Variants in ACOXL observed in about 807,000 individuals in gnomAD.
The protein encoded by ACOXL is acyl-coenzyme A oxidase-like protein.
ACOXL carries 70 observed loss-of-function variants against 71.9 expected under a neutral mutation model. The observed-to-expected ratio is 0.97, with a 90% CI of 0.80 to 1.19. The LOEUF (loss-of-function observed/expected upper bound fraction) is 1.19, where lower values mean the gene tolerates loss of function less well. Among genes scored for constraint, ACOXL ranks in the 50% most tolerant of loss-of-function variants. The pLI, the probability that ACOXL is intolerant of heterozygous loss-of-function variation, is 0.00. For missense variants in ACOXL, 703 were observed against 736.3 expected, an observed-to-expected ratio of 0.95 and a Z score of 0.52; for synonymous variants, 253 against 281.6, an observed-to-expected ratio of 0.90 and a Z score of 1.02.
intron 13 of ACOXL, among the ~76,000 whole-genome samples, 186 bp from the exon 14 acceptor site, chr2:110,995,707 G>C (rs539565709): frequency 6.2e-4 from 94 of 151,852 alleles, no homozygotes; most frequent in African/African-American, 2.1e-3. Flanking sequence ...GAATAAACTA[G>C]AGCTAAGATT....
chr2:110,969,207 A>G (rs568966917), intron 12 of ACOXL, among the ~76,000 whole-genome samples: 11 of 152,346 alleles, frequency 7.2e-5, no homozygotes, highest in African/African-American at 2.6e-4. Flanking sequence ...CTAAATGCTT[A>G]TTTAAGAAAA....
intron 1 of ACOXL, among the ~76,000 whole-genome samples, chr2:110,735,931 C>T (rs571054683): frequency 4.3e-4 from 66 of 152,226 alleles, no homozygotes; most frequent in African/African-American, 1.5e-3. Context: ...ACCTCTCACC[C>T]GGAGAACTGA....
At chr2:110,793,160 G>A (rs976668754) in intron 3 of ACOXL, among the ~76,000 whole-genome samples, 1 of 152,152 alleles carries the variant, frequency 6.6e-6, no homozygotes, top group African/African-American at 2.4e-5. Flanking sequence ...GCTGAAGTGG[G>A]ATTGAAACCC....
At chr2:110,858,330 A>G (rs1369573681) in intron 10 of ACOXL, among the ~76,000 whole-genome samples, 1 of 152,144 alleles carries the variant, frequency 6.6e-6, no homozygotes, top group Non-Finnish European at 1.5e-5. Context: ...CGGGTGGGGA[A>G]CAGGGGATCC....
intron 8 of ACOXL, 51 bp downstream of exon 8, chr2:110,801,775 T>G (rs562282875): frequency 6.5e-7 from 1 of 1,528,228 alleles, no homozygotes; most frequent in East Asian, 2.3e-5. Flanking sequence ...ATCTCACTGC[T>G]CTCCAAAGTT....
intron 7 of ACOXL, among the ~76,000 whole-genome samples, chr2:110,800,792 G>A (rs982703454): frequency 6.6e-5 from 10 of 152,088 alleles, no homozygotes; most frequent in South Asian, 2.1e-4. Flanking sequence ...TGTATCTCCC[G>A]GGGGTGACCG....
At chr2:110,839,264 ATTATC>A (rs1448418025) in intron 9 of ACOXL, among the ~76,000 whole-genome samples, 4 of 152,204 alleles carry the variant, frequency 2.6e-5, no homozygotes, top group African/African-American at 9.7e-5. Context: ...AGTCAGTAAA[ATTATC>A]TTATAATTAG....
At chr2:110,986,811 A>G (rs2062955065) in intron 12 of ACOXL, among the ~76,000 whole-genome samples, 1 of 152,202 alleles carries the variant, frequency 6.6e-6, no homozygotes, top group Non-Finnish European at 1.5e-5. Context: ...AGGTTTTACT[A>G]AAGTGTCAGC....
At chr2:110,792,986 C>A (rs185382625) in intron 3 of ACOXL, among the ~76,000 whole-genome samples, 1 of 152,268 alleles carries the variant, frequency 6.6e-6, no homozygotes, top group African/African-American at 2.4e-5. Context: ...CCCAATTTCC[C>A]ATGTTAAATG....
intron 10 of ACOXL, among the ~76,000 whole-genome samples, chr2:110,859,620 G>C (rs1212641385): frequency 6.6e-6 from 1 of 152,172 alleles, no homozygotes; most frequent in African/African-American, 2.4e-5. Flanking sequence ...CATGGAGAGG[G>C]GCTTTGCCAG....
At chr2:110,941,124 C>T (rs2060853294) in intron 12 of ACOXL, among the ~76,000 whole-genome samples, 1 of 152,192 alleles carries the variant, frequency 6.6e-6, no homozygotes, top group Admixed American at 6.5e-5. Context: ...GCAAGCACCT[C>T]ATAGCCTCAA....
intron 12 of ACOXL, chr2:110,968,761 A>G (rs1039058746): frequency 1.6e-5 from 8 of 486,072 alleles, no homozygotes; most frequent in Admixed American, 3.9e-5. Context: ...AGATAAAGAC[A>G]ATAAACTTAT....
chr2:111,070,462 C>T (rs962519114), intron 16 of ACOXL, among the ~76,000 whole-genome samples: 1 of 152,078 alleles, frequency 6.6e-6, no homozygotes, highest in Non-Finnish European at 1.5e-5. Context: ...CACATGGACA[C>T]ATAGAGAGGA....
At chr2:110,907,974 G>A (rs2059518164) in intron 10 of ACOXL, among the ~76,000 whole-genome samples, 1 of 152,226 alleles carries the variant, frequency 6.6e-6, no homozygotes, top group Non-Finnish European at 1.5e-5. Context: ...GTGTGTGTGA[G>A]TGAAATGTTG....
At chr2:110,867,133 A>G (rs1281313095) in intron 10 of ACOXL, among the ~76,000 whole-genome samples, 1 of 152,054 alleles carries the variant, frequency 6.6e-6, no homozygotes, top group Non-Finnish European at 1.5e-5. Context: ...GGGTGCTGGG[A>G]AGTTAGGTGC....
intron 2 of ACOXL, among the ~76,000 whole-genome samples, chr2:110,776,125 G>C (rs80270380): frequency 6.6e-6 from 1 of 152,146 alleles, no homozygotes; most frequent in African/African-American, 2.4e-5. Flanking sequence ...GCTATAACAC[G>C]TATGAACCTG....
chr2:111,013,794 A>G (rs928256431), intron 14 of ACOXL, among the ~76,000 whole-genome samples: 1 of 152,194 alleles, frequency 6.6e-6, no homozygotes, highest in Non-Finnish European at 1.5e-5. Flanking sequence ...AAACCAGTGT[A>G]AGACTGATAC....
intron 1 of ACOXL, 27 bp from the exon 2 acceptor site, chr2:110,768,341 G>C (rs1681385514): frequency 7.5e-6 from 12 of 1,595,732 alleles, no homozygotes; most frequent in Non-Finnish European, 1.0e-5. Context: ...ATTATTGGCT[G>C]TCTTATTTTG....
chr2:111,004,194 G>C (rs2149634733), intron 14 of ACOXL, among the ~76,000 whole-genome samples: 1 of 152,314 alleles, frequency 6.6e-6, no homozygotes, highest in East Asian at 1.9e-4. Context: ...ATTTAGTTCA[G>C]AATCTTTAAA....
Sources: allele counts gnomAD v4.1 joint callset (sites outside exome capture counted in the v4.1 genomes callset), GRCh38; gene constraint gnomAD v4.1.1; transcripts MANE v1.5; gene names NCBI Gene and HGNC (gene_info 2026-07-23, HGNC 2026-07-21).